The following CREB5 variants were observed in gnomAD, a reference collection of about 807,000 sequenced individuals.
CREB5 encodes the protein cyclic AMP-responsive element-binding protein 5.
In CREB5, 19 loss-of-function variants were observed where a neutral mutation model predicts 57.1. The observed-to-expected ratio is 0.33, with a 90% CI of 0.23 to 0.49. The LOEUF (loss-of-function observed/expected upper bound fraction) is 0.49. Ranked by LOEUF, CREB5 falls within the 20% of genes least tolerant of loss-of-function variation. The pLI is 0.99. For missense variants in CREB5, 579 were observed against 671.6 expected, an observed-to-expected ratio of 0.86 and a Z score of 1.52; for synonymous variants, 238 against 238.3, an observed-to-expected ratio of 1.00 and a Z score of 0.01.
Position 28,517,739 on chromosome 7 carries a change from G to A in CREB5, c.291+10002G>A, listed in dbSNP as rs552949654. On this transcript the variant is annotated intron_variant, in intron 4 of 10. Coordinates refer to ENST00000357727, the MANE Select transcript of CREB5 (RefSeq NM_182898.4). ...CTGTCGCAGGCTTCTCTGCTTGACT[G>A]TTGTTAGGTTTCCCTCTGTGCTTTG... Among the ~76,000 whole-genome samples, 34 of 152,184 alleles carry A rather than the reference G, an allele frequency of 2.2e-4. No individual in the cohort carries two copies. In the South Asian group the frequency reaches 6.7e-3, roughly 30 times the overall value.
chr7:28,786,844 G>A (rs899993819), intron 7 of CREB5, among the ~76,000 whole-genome samples: 3 of 152,212 alleles, frequency 2.0e-5, no homozygotes, highest in African/African-American at 7.2e-5. Context: ...ACCAGCCAAA[G>A]TCCATGTGCA....
intron 1 of CREB5, among the ~76,000 whole-genome samples, chr7:28,394,375 C>T (rs879479128): frequency 1.3e-5 from 2 of 151,622 alleles, no homozygotes; most frequent in Non-Finnish European, 2.9e-5. Context: ...CTTAAGTAAG[C>T]CAAGTAAAGG....
chr7:28,364,649 C>A (rs1786552886), intron 1 of CREB5, among the ~76,000 whole-genome samples: 1 of 152,174 alleles, frequency 6.6e-6, no homozygotes, highest in African/African-American at 2.4e-5. Context: ...CAAACCCTCT[C>A]CTATCCTCAG....
chr7:28,729,162 C>G (rs1306917104), intron 7 of CREB5, among the ~76,000 whole-genome samples: 1 of 152,194 alleles, frequency 6.6e-6, no homozygotes, highest in East Asian at 1.9e-4. Context: ...GACAAGGCAT[C>G]TTAGAAATGG....
Position 28,445,841 on chromosome 7 carries a change from G to A in CREB5, c.3+32924G>A, listed in dbSNP as rs530171906. Among the ~76,000 whole-genome samples, 802 of 152,284 alleles carry A rather than the reference G, an allele frequency of 5.3e-3. 3 individuals are homozygous for A. Among genetic ancestry groups the A allele is most frequent in the Middle Eastern group, 0.01 (3 of 294 alleles). On this transcript the variant is annotated intron_variant, in intron 1 of 10. Transcript: ENST00000357727. ...GCTGGGATTACAGGCGTGAGCCACT[G>A]CGCCCGGCCTATTCTTCTAACATAC...
chr7:28,570,555 G>GCTGC lies in CREB5; in HGVS notation c.464+20_464+23dup. 3 of 1,610,148 alleles carry GCTGC rather than the reference G, an allele frequency of 1.9e-6. No individual in the cohort carries two copies. The highest frequency in any genetic ancestry group is 2.5e-6 in the Non-Finnish European group (3 of 1,177,452). The stretch of plus-strand genomic sequence containing the variant: ...CAGATCGGGTAAGGAGCCCTCCTTG[G>GCTGC]CTGCCCCTGGGTCCTGGCTGGAACT... On this transcript the variant is annotated intron_variant, in intron 5 of 10. Coordinates refer to ENST00000357727, the MANE Select transcript of CREB5 (RefSeq NM_182898.4).
At position 28,763,807 on chromosome 7, in the gene CREB5, A is replaced by ATT. The variant is rs563568014; in HGVS notation, c.702+39476_702+39477dup. ...TCGCTGTGGGGATATTATTATTATT[A>ATT]TTATTTTTTTTTGAGACAGGGTCTT... On this transcript the variant is annotated intron_variant, in intron 7 of 10. Transcript: ENST00000357727. Among the ~76,000 whole-genome samples, 644 of 113,514 alleles carry ATT rather than the reference A, an allele frequency of 5.7e-3. 10 individuals are homozygous for ATT. The highest frequency in any genetic ancestry group is 0.018 in the African/African-American group (618 of 34,550). 74.5% of individuals were successfully genotyped at this position (113,514 alleles called of 152,430 possible). A position where few individuals can be genotyped will look rare whatever the true frequency, so the allele number is the denominator to read the frequency against.
chr7:28,643,752 G>GC (rs1554279437), intron 5 of CREB5, among the ~76,000 whole-genome samples: 12 of 18,298 alleles, frequency 6.6e-4, no homozygotes, highest in African/African-American at 1.8e-3. Flanking sequence ...TTTGGGAGGT[G>GC]GGGGGGGGCG....
chr7:28,730,354 A>AT (rs34752067), intron 7 of CREB5, among the ~76,000 whole-genome samples: 4,062 of 147,018 alleles, frequency 0.028, 117 homozygotes, highest in African/African-American at 0.066. Context: ...CACCCAGATA[A>AT]TTTTTTTTTT....
intron 2 of CREB5, among the ~76,000 whole-genome samples, chr7:28,490,693 A>G (rs1468960294): frequency 1.3e-5 from 2 of 152,202 alleles, no homozygotes; most frequent in Non-Finnish European, 2.9e-5. Context: ...TCCCAGAAGC[A>G]TTCCCCACTT....
At chr7:28,496,637 G>T in intron 3 of CREB5, among the ~76,000 whole-genome samples, 1 of 151,982 alleles carries the variant, frequency 6.6e-6, no homozygotes, top group Non-Finnish European at 1.5e-5. Flanking sequence ...TTATAGACAC[G>T]GTCAGATTCT....
intron 1 of CREB5, among the ~76,000 whole-genome samples, chr7:28,386,557 G>A (rs78220390): frequency 0.019 from 2,886 of 152,162 alleles, 68 homozygotes; most frequent in South Asian, 0.056. Context: ...AACTTGAAAA[G>A]TATTATCTTT....
At chr7:28,660,252 G>T (rs1407870202) in intron 5 of CREB5, among the ~76,000 whole-genome samples, 1 of 152,100 alleles carries the variant, frequency 6.6e-6, no homozygotes, top group African/African-American at 2.4e-5. Flanking sequence ...ATTCAGAATG[G>T]CCTCAAATGT....
intron 7 of CREB5, among the ~76,000 whole-genome samples, chr7:28,787,133 C>G (rs1284921757): frequency 6.6e-6 from 1 of 152,100 alleles, no homozygotes. Flanking sequence ...CAGCACCTGT[C>G]CCCAGCTGAG....
At chr7:28,562,565 T>A (rs976717805) in intron 4 of CREB5, among the ~76,000 whole-genome samples, 1 of 152,162 alleles carries the variant, frequency 6.6e-6, no homozygotes, top group African/African-American at 2.4e-5. Flanking sequence ...CTTCTGGCAA[T>A]GGGTGAGGGG....
chr7:28,315,639 G>A (rs1246566698), intron 1 of CREB5, among the ~76,000 whole-genome samples: 1 of 152,126 alleles, frequency 6.6e-6, no homozygotes, highest in Non-Finnish European at 1.5e-5. Flanking sequence ...TCCCAGAAAG[G>A]GTTCTTTTGT....
intron 5 of CREB5, among the ~76,000 whole-genome samples, chr7:28,593,457 G>C (rs576601557): frequency 6.6e-6 from 1 of 152,120 alleles, no homozygotes; most frequent in East Asian, 1.9e-4. Context: ...CCATGTTAGC[G>C]AGGCTGGCCT....
chr7:28,711,239 G>A (rs548561166), intron 5 of CREB5, among the ~76,000 whole-genome samples: 15 of 152,214 alleles, frequency 9.9e-5, no homozygotes, highest in African/African-American at 3.6e-4. Flanking sequence ...AGATACAAAG[G>A]CAAAATTCTC....
At chr7:28,579,381 G>C (rs895503201) in intron 5 of CREB5, among the ~76,000 whole-genome samples, 2 of 152,140 alleles carry the variant, frequency 1.3e-5, no homozygotes, top group Admixed American at 1.3e-4. Flanking sequence ...TCAACTAAAA[G>C]TTCCTGTAGT....
Sources: gnomAD v4.1 joint callset for allele counts (sites outside exome capture counted in the v4.1 genomes callset) on GRCh38, gnomAD v4.1.1 for gene constraint, MANE v1.5 for transcripts, NCBI Gene and HGNC (gene_info 2026-07-23, HGNC 2026-07-21) for gene names.